The following CORIN variants were observed in gnomAD, a reference collection of about 807,000 sequenced individuals.
The protein encoded by CORIN is corin, serine peptidase.
Under a neutral mutation model 125.3 loss-of-function variants are expected in CORIN, and 117 were observed. The observed-to-expected ratio is 0.93, with a 90% CI of 0.80 to 1.09. The LOEUF (loss-of-function observed/expected upper bound fraction) is 1.09. Ranked by LOEUF, CORIN falls within the 50% of genes least tolerant of loss-of-function variation. The pLI is 0.00. For missense variants in CORIN, 1,253 were observed against 1,306.7 expected, an observed-to-expected ratio of 0.96 and a Z score of 0.63; for synonymous variants, 450 against 466.4, an observed-to-expected ratio of 0.96 and a Z score of 0.45.
chr4:47,664,274 A>G (rs1200348287), intron 11 of CORIN, among the ~76,000 whole-genome samples: 1 of 152,228 alleles, frequency 6.6e-6, no homozygotes, highest in African/African-American at 2.4e-5. Context: ...TTCCTGTGCT[A>G]TCATCATAGC....
At chr4:47,624,688 T>C (rs1483527825) in intron 17 of CORIN, among the ~76,000 whole-genome samples, 2 of 152,190 alleles carry the variant, frequency 1.3e-5, no homozygotes, top group Non-Finnish European at 2.9e-5. Context: ...ACATGGTCCC[T>C]GTTAAAGGAT....
chr4:47,672,050 T>G (rs1724786955), intron 10 of CORIN, among the ~76,000 whole-genome samples: 1 of 152,190 alleles, frequency 6.6e-6, no homozygotes, highest in Non-Finnish European at 1.5e-5. Context: ...AGTGAGACAC[T>G]AGGTAAACTG....
chr4:47,810,016 C>A (rs1731998533), intron 1 of CORIN, among the ~76,000 whole-genome samples: 1 of 152,214 alleles, frequency 6.6e-6, no homozygotes, highest in Admixed American at 6.5e-5. Context: ...GCACCTTCCT[C>A]AGCCTTGAAA....
At chr4:47,731,238 T>G (rs1727858344) in intron 5 of CORIN, among the ~76,000 whole-genome samples, 1 of 152,216 alleles carries the variant, frequency 6.6e-6, no homozygotes, top group Non-Finnish European at 1.5e-5. Context: ...TCGTTTGACA[T>G]GCCTTTTAGA....
intron 5 of CORIN, among the ~76,000 whole-genome samples, chr4:47,727,317 T>C (rs1044924775): frequency 4.6e-5 from 7 of 152,142 alleles, no homozygotes; most frequent in Admixed American, 1.3e-4. Context: ...AAGAAAAAAG[T>C]AGGAACACAA....
chr4:47,653,977 C>T (rs1010565119), intron 12 of CORIN, among the ~76,000 whole-genome samples: 13 of 152,238 alleles, frequency 8.5e-5, no homozygotes, highest in Non-Finnish European at 1.3e-4. Flanking sequence ...GACTACCTAG[C>T]GGCTCTCAAT....
intron 5 of CORIN, among the ~76,000 whole-genome samples, chr4:47,714,958 T>G (rs943264936): frequency 2.0e-5 from 3 of 152,220 alleles, no homozygotes; most frequent in Non-Finnish European, 4.4e-5. Flanking sequence ...AAATAGTGTT[T>G]AATAAACACA....
At position 47,671,734 on chromosome 4, in the gene CORIN, G is replaced by A. The variant is rs565326812; in HGVS notation, c.1357+2659C>T. ...TGAGTAGCTGGGACTACAGGCGCCC[G>A]CCACCATGCCCGGCTAATTTTTTTT... On this transcript the variant is annotated intron_variant, in intron 10 of 21. Transcript: ENST00000273857. Among the ~76,000 whole-genome samples, 212 of 151,918 alleles carry A rather than the reference G, an allele frequency of 1.4e-3. 1 individual carries two copies. The highest frequency in any genetic ancestry group is 4.7e-3 in the African/African-American group (195 of 41,420).
At chr4:47,770,744 G>A (rs185060977) in intron 3 of CORIN, among the ~76,000 whole-genome samples, 18 of 152,166 alleles carry the variant, frequency 1.2e-4, no homozygotes, top group Non-Finnish European at 1.5e-5. Context: ...TGAACCTAGA[G>A]AACATTATGT....
At chr4:47,835,653 C>A (rs1029951508) in intron 1 of CORIN, among the ~76,000 whole-genome samples, 16 of 152,314 alleles carry the variant, frequency 1.1e-4, no homozygotes, top group Middle Eastern at 6.8e-3. Flanking sequence ...AACAGAGGGG[C>A]TGGCCAGTCA....
In CORIN at chr4:47,669,262, G is replaced by A. The variant is rs141980640; in HGVS notation, c.1358-3999C>T. On this transcript the variant is annotated intron_variant, in intron 10 of 21. Coordinates refer to ENST00000273857, the MANE Select transcript of CORIN (RefSeq NM_006587.4). ...ATCGTTAACTCAATGGTGTTATATC[G>A]TTATGATGTGATACTCTGAAGTTAC... 2.6e-4 allele frequency among the ~76,000 whole-genome samples: 40 copies of A among 152,144 alleles called. No individual in the cohort carries two copies. The East Asian group carries it at 7.5e-3, about 29-fold the overall frequency.
chr4:47,753,778 T>C (rs1005482267), intron 4 of CORIN, among the ~76,000 whole-genome samples: 3 of 152,144 alleles, frequency 2.0e-5, no homozygotes, highest in Admixed American at 6.6e-5. Flanking sequence ...GATTTCATAT[T>C]GTTCAAACAC....
intron 5 of CORIN, among the ~76,000 whole-genome samples, chr4:47,720,206 T>G (rs1430377595): frequency 6.6e-6 from 1 of 152,232 alleles, no homozygotes; most frequent in Non-Finnish European, 1.5e-5. Context: ...TTGAGGCTCT[T>G]TTATTTTTAT....
intron 4 of CORIN, among the ~76,000 whole-genome samples, chr4:47,747,472 C>A (rs1443802818): frequency 6.6e-6 from 1 of 152,130 alleles, no homozygotes; most frequent in African/African-American, 2.4e-5. Context: ...GTTCCTGGAC[C>A]TTTCCTCATT....
intron 5 of CORIN, among the ~76,000 whole-genome samples, chr4:47,735,268 A>C (rs1451847914): frequency 1.3e-5 from 2 of 152,236 alleles, no homozygotes; most frequent in Non-Finnish European, 2.9e-5. Flanking sequence ...AACTATGAAT[A>C]GTGTCTAGCA....
chr4:47,599,666 G>A lies in CORIN; in HGVS notation c.2946+548C>T, dbSNP rs1014545262. 2.6e-5 allele frequency among the ~76,000 whole-genome samples: 4 copies of A among 152,146 alleles called. No individual in the cohort carries two copies. In the East Asian group the frequency reaches 5.8e-4, roughly 22 times the overall value. The stretch of plus-strand genomic sequence containing the variant: ...TGGCCATGAATCCTGAGTATCTAAA[G>A]GTTGAGTTCAGTGACATTTGAGGAC... On this transcript the variant is annotated intron_variant, in intron 21 of 21. Transcript: ENST00000273857.
chr4:47,819,270 C>T (rs942118785), intron 1 of CORIN, among the ~76,000 whole-genome samples: 1 of 152,110 alleles, frequency 6.6e-6, no homozygotes, highest in African/African-American at 2.4e-5. Context: ...GACCCAAAAT[C>T]TACTCATATT....
intron 16 of CORIN, among the ~76,000 whole-genome samples, chr4:47,630,877 T>G (rs981170174): frequency 2.0e-5 from 3 of 152,044 alleles, no homozygotes; most frequent in Non-Finnish European, 2.9e-5. Context: ...AAAATCTGTC[T>G]CTCTACCAAG....
At chr4:47,755,830 C>G (rs1729112831) in intron 4 of CORIN, among the ~76,000 whole-genome samples, 1 of 152,154 alleles carries the variant, frequency 6.6e-6, no homozygotes, top group Non-Finnish European at 1.5e-5. Flanking sequence ...ATTTTAGGAA[C>G]ATATAAATTA....
Sources: gnomAD v4.1 joint callset for allele counts (sites outside exome capture counted in the v4.1 genomes callset) on GRCh38, gnomAD v4.1.1 for gene constraint, MANE v1.5 for transcripts, NCBI Gene and HGNC (gene_info 2026-07-23, HGNC 2026-07-21) for gene names.